SH3RF2: variants seen among roughly 807,000 people sequenced by gnomAD.
The protein encoded by SH3RF2 is E3 ubiquitin-protein ligase SH3RF2.
In SH3RF2, 43 loss-of-function variants were observed where a neutral mutation model predicts 59.0. That is an observed-to-expected ratio of 0.73 (90% CI 0.57 to 0.94). The LOEUF (loss-of-function observed/expected upper bound fraction) is 0.94. Ranked by LOEUF, SH3RF2 falls within the 40% of genes least tolerant of loss-of-function variation. The pLI, the probability that SH3RF2 is intolerant of heterozygous loss-of-function variation, is 0.00. For missense variants in SH3RF2, 930 were observed against 940.1 expected (o/e 0.99, Z 0.14); for synonymous variants, 391 against 391.5 (o/e 1.00, Z 0.01).
chr5:145,973,898 T>C (rs1011611688), intron 2 of SH3RF2, among the ~76,000 whole-genome samples: 27 of 152,330 alleles, frequency 1.8e-4, no homozygotes, highest in Admixed American at 1.4e-3. Flanking sequence ...GGGACATTCA[T>C]TTTCTATGCT....
chr5:146,018,938 C>G (rs1013269378), intron 5 of SH3RF2, among the ~76,000 whole-genome samples: 1 of 151,944 alleles, frequency 6.6e-6, no homozygotes, highest in African/African-American at 2.4e-5. Context: ...TGTGTATCTT[C>G]TTTAGCCCAC....
intron 2 of SH3RF2, among the ~76,000 whole-genome samples, chr5:145,940,436 C>G (rs1757774446): frequency 6.6e-6 from 1 of 152,126 alleles, no homozygotes. Context: ...ATCTTTTTTG[C>G]AACCATGAAA....
chr5:146,074,036 C>CTTTTTTTTTTT lies in SH3RF2; in HGVS notation c.*34-4413_*34-4403dup, dbSNP rs70998053. Among the ~76,000 whole-genome samples the CTTTTTTTTTTT allele has an allele frequency of 2.3e-3, 264 of 117,202 alleles. 22 individuals are homozygous for CTTTTTTTTTTT. The highest frequency in any genetic ancestry group is 1.0e-2 in the African/African-American group (242 of 24,224). 76.9% of individuals were successfully genotyped at this position (117,202 alleles called of 152,430 possible). On this transcript the variant is annotated intron_variant, in intron 9 of 9. Transcript: ENST00000511217. ...CCATGGGGTAGGTTTCATTAACACT[C>CTTTTTTTTTTT]TTTTTTTTTTTTTTTTTTTTTGAGA...
chr5:146,039,418 C>T (rs1431092421), intron 5 of SH3RF2, among the ~76,000 whole-genome samples: 6 of 151,726 alleles, frequency 4.0e-5, no homozygotes, highest in Middle Eastern at 3.2e-3. Flanking sequence ...ATAAATAACC[C>T]CATGGAAGAG....
At chr5:145,947,122 T>C (rs1443700470) in intron 2 of SH3RF2, among the ~76,000 whole-genome samples, 1 of 150,596 alleles carries the variant, frequency 6.6e-6, no homozygotes, top group African/African-American at 2.4e-5. Flanking sequence ...TCTGTACCCA[T>C]TGAACAATAA....
At chr5:146,054,571 C>T (rs1762603703) in intron 7 of SH3RF2, among the ~76,000 whole-genome samples, 1 of 152,172 alleles carries the variant, frequency 6.6e-6, no homozygotes, top group African/African-American at 2.4e-5. Context: ...CAGCCGTACT[C>T]GTTTTCACTG....
intron 2 of SH3RF2, among the ~76,000 whole-genome samples, chr5:145,987,302 A>G (rs4913059): frequency 0.17 from 26,230 of 152,074 alleles, 2,901 homozygotes; most frequent in African/African-American, 0.29. Flanking sequence ...CACCTGAGCA[A>G]TATATACTGC....
intron 9 of SH3RF2, among the ~76,000 whole-genome samples, chr5:146,071,416 TAC>T (rs1445135426): frequency 1.3e-5 from 2 of 152,230 alleles, no homozygotes; most frequent in African/African-American, 4.8e-5. Flanking sequence ...GAAGGGGTGA[TAC>T]TGTTTTGAAG....
chr5:145,966,313 G>A (rs1758853531), intron 2 of SH3RF2, among the ~76,000 whole-genome samples: 1 of 152,180 alleles, frequency 6.6e-6, no homozygotes, highest in Non-Finnish European at 1.5e-5. Flanking sequence ...AGAGTGAAAT[G>A]ACTAATTTGA....
intron 5 of SH3RF2, among the ~76,000 whole-genome samples, chr5:146,016,762 G>A (rs1284560504): frequency 1.3e-5 from 2 of 152,100 alleles, no homozygotes; most frequent in African/African-American, 4.8e-5. Flanking sequence ...CCTTTTCTTG[G>A]TTGTCTTCAC....
intron 2 of SH3RF2, among the ~76,000 whole-genome samples, chr5:145,941,219 A>T (rs1442193442): frequency 6.6e-6 from 1 of 152,198 alleles, no homozygotes; most frequent in East Asian, 1.9e-4. Context: ...CATCTAAAAA[A>T]CAAGCTCATC....
chr5:146,068,608 G>A (rs116693972), intron 9 of SH3RF2, among the ~76,000 whole-genome samples: 4,278 of 152,240 alleles, frequency 0.028, 160 homozygotes, highest in Admixed American at 0.1. Context: ...TTGGTGTCAT[G>A]GAGAATAAAT....
downstream of SH3RF2, among the ~76,000 whole-genome samples, chr5:146,065,030 T>A (rs1363988369): frequency 6.6e-6 from 1 of 152,124 alleles, no homozygotes; most frequent in African/African-American, 2.4e-5. Context: ...TTTCCAGACC[T>A]TAATAAAACA....
chr5:146,025,109 T>G (rs1452842016), intron 5 of SH3RF2, among the ~76,000 whole-genome samples: 1 of 152,246 alleles, frequency 6.6e-6, no homozygotes, highest in Non-Finnish European at 1.5e-5. Context: ...ACTGTGAGCT[T>G]TATCTCACTA....
At chr5:146,021,378 C>T (rs1761310643) in intron 5 of SH3RF2, among the ~76,000 whole-genome samples, 1 of 152,098 alleles carries the variant, frequency 6.6e-6, no homozygotes, top group Non-Finnish European at 1.5e-5. Flanking sequence ...ACAATTTTCA[C>T]TCAACAAATT....
intron 2 of SH3RF2, among the ~76,000 whole-genome samples, chr5:145,999,732 G>GC (rs530269153): frequency 4.0e-5 from 6 of 151,554 alleles, no homozygotes; most frequent in Admixed American, 2.6e-4. Flanking sequence ...AGTTTGTGGC[G>GC]CCCCCCGAGA....
chr5:145,939,194 G>A lies in SH3RF2; in HGVS notation c.378+888G>A, dbSNP rs181207129. Among the ~76,000 whole-genome samples, 22 of 152,360 alleles carry A rather than the reference G, an allele frequency of 1.4e-4. No individual in the cohort carries two copies. The East Asian group carries it at 3.7e-3, about 25-fold the overall frequency. ...TGAGTCCAGCAGAATTATTTGCACT[G>A]TCACCCCTGGAGTCAGTGTAAAAAA... On this transcript the variant is annotated intron_variant, in intron 2 of 9. Transcript: ENST00000359120.
At chr5:145,988,425 G>T (rs1186094497) in intron 2 of SH3RF2, among the ~76,000 whole-genome samples, 2 of 151,966 alleles carry the variant, frequency 1.3e-5, no homozygotes, top group Admixed American at 1.3e-4. Flanking sequence ...GTCAGAATAT[G>T]CAGGGTTTGG....
At chr5:146,073,538 G>A (rs765792744) in intron 9 of SH3RF2, among the ~76,000 whole-genome samples, 2 of 152,168 alleles carry the variant, frequency 1.3e-5, no homozygotes, top group South Asian at 2.1e-4. Context: ...TTAAACCCCC[G>A]CTGGGCGTCC....
Sources: gnomAD v4.1 joint callset for allele counts (sites outside exome capture counted in the v4.1 genomes callset) on GRCh38, gnomAD v4.1.1 for gene constraint, MANE v1.5 for transcripts, NCBI Gene and HGNC (gene_info 2026-07-23, HGNC 2026-07-21) for gene names.